The following DLG2 variants were observed in gnomAD, a reference collection of about 807,000 sequenced individuals.
DLG2 encodes discs large MAGUK scaffold protein 2.
DLG2 carries 45 observed loss-of-function variants against 132.5 expected under a neutral mutation model. The ratio of observed to expected loss-of-function variants is 0.34; its 90% confidence interval spans 0.27 to 0.44. The LOEUF (loss-of-function observed/expected upper bound fraction) is 0.44. Among genes scored for constraint, DLG2 ranks in the 20% least tolerant of loss-of-function variants. DLG2 has a pLI of 1.00. For synonymous variants in DLG2, 424 were observed against 419.6 expected (o/e 1.01, Z -0.13); for missense variants, 1,045 against 1,196.9 (o/e 0.87, Z 1.87).
At chr11:84,045,426 AGT>A (rs2096220507) in intron 11 of DLG2, among the ~76,000 whole-genome samples, 1 of 151,780 alleles carries the variant, frequency 6.6e-6, no homozygotes, top group Admixed American at 6.6e-5. Flanking sequence ...AGATAAAACA[AGT>A]GTATAAGTCT....
At chr11:85,479,308 C>T (rs1434842392) in intron 3 of DLG2, among the ~76,000 whole-genome samples, 1 of 152,194 alleles carries the variant, frequency 6.6e-6, no homozygotes, top group African/African-American at 2.4e-5. Context: ...TCTTAGAAGA[C>T]AGCTGTCTTT....
At chr11:83,473,669 G>A (rs1591436607) in intron 22 of DLG2, among the ~76,000 whole-genome samples, 1 of 151,928 alleles carries the variant, frequency 6.6e-6, no homozygotes, top group African/African-American at 2.4e-5. Flanking sequence ...AGAACTTTCT[G>A]TCTACTAGAA....
chr11:83,829,836 T>G (rs542882109), intron 17 of DLG2, among the ~76,000 whole-genome samples: 1 of 152,246 alleles, frequency 6.6e-6, no homozygotes, highest in South Asian at 2.1e-4. Flanking sequence ...CATGTTGGTG[T>G]GCTGCACCCT....
chr11:83,553,245 A>T (rs1199435886), intron 19 of DLG2, among the ~76,000 whole-genome samples: 1 of 152,098 alleles, frequency 6.6e-6, no homozygotes, highest in Non-Finnish European at 1.5e-5. Flanking sequence ...CAACTCTAAG[A>T]TTTTTTAAAA....
At chr11:84,723,675 G>A (rs1406727528) in intron 6 of DLG2, among the ~76,000 whole-genome samples, 1 of 152,060 alleles carries the variant, frequency 6.6e-6, no homozygotes, top group African/African-American at 2.4e-5. Context: ...GCACTAATTT[G>A]AGAGTGTACT....
intron 7 of DLG2, among the ~76,000 whole-genome samples, chr11:84,466,694 A>G (rs2099095331): frequency 6.6e-6 from 1 of 151,322 alleles, no homozygotes; most frequent in South Asian, 2.1e-4. Flanking sequence ...GTATTAGAAT[A>G]CCTATGAGAG....
chr11:84,460,068 AG>A (rs987575466), intron 7 of DLG2, among the ~76,000 whole-genome samples: 1 of 150,694 alleles, frequency 6.6e-6, no homozygotes, highest in Admixed American at 6.6e-5. Flanking sequence ...AAATTTTGTC[AG>A]GAATGAGTTT....
chr11:84,449,339 G>C (rs1371547518), intron 7 of DLG2, among the ~76,000 whole-genome samples: 1 of 151,670 alleles, frequency 6.6e-6, no homozygotes, highest in Admixed American at 6.6e-5. Context: ...AAAACAGAAA[G>C]AGCAGCTGCT....
chr11:84,987,595 A>C (rs1030166705), intron 6 of DLG2, among the ~76,000 whole-genome samples: 1 of 152,190 alleles, frequency 6.6e-6, no homozygotes, highest in Non-Finnish European at 1.5e-5. Flanking sequence ...AACAGAATAC[A>C]GAACTCAAAA....
chr11:83,844,824 G>C (rs1379106038), intron 16 of DLG2, among the ~76,000 whole-genome samples: 2 of 152,086 alleles, frequency 1.3e-5, no homozygotes, highest in East Asian at 1.9e-4. Context: ...GGCCATCCTA[G>C]CTCAATGACA....
At chr11:85,405,015 A>T (rs2152970552) in intron 3 of DLG2, among the ~76,000 whole-genome samples, 1 of 152,062 alleles carries the variant, frequency 6.6e-6, no homozygotes, top group Middle Eastern at 3.4e-3. Context: ...TAGAGTTACA[A>T]GAGTGGTGGA....
In DLG2 at chr11:83,942,194, A is replaced by C. The variant is rs76878313; in HGVS notation, c.1341-11711T>G. 3.0e-3 allele frequency among the ~76,000 whole-genome samples: 461 copies of C among 152,336 alleles called. 3 individuals are homozygous for C. Among genetic ancestry groups the C allele is most frequent in the African/African-American group, 0.011 (437 of 41,578 alleles). On this transcript the variant is annotated intron_variant, in intron 14 of 27. Transcript: ENST00000376104. ...TGTAAGTAAATTTGATGACATAAAA[A>C]GACAGCCACAAGATATTATTAAGTG... is the stretch of plus-strand genomic sequence containing the variant.
intron 18 of DLG2, among the ~76,000 whole-genome samples, chr11:83,751,971 A>G (rs2093338168): frequency 6.6e-6 from 1 of 152,206 alleles, no homozygotes; most frequent in Non-Finnish European, 1.5e-5. Flanking sequence ...AGGTAGAGAT[A>G]AAAAAGAGAG....
chr11:84,916,459 C>A (rs1436838939), intron 6 of DLG2, among the ~76,000 whole-genome samples: 1 of 150,668 alleles, frequency 6.6e-6, no homozygotes, highest in East Asian at 1.9e-4. Context: ...ACCCACACAC[C>A]ACACCTAAGG....
chr11:85,302,665 A>AC (rs1491294285), intron 3 of DLG2, among the ~76,000 whole-genome samples: 5 of 151,256 alleles, frequency 3.3e-5, no homozygotes, highest in African/African-American at 7.3e-5. Context: ...AAAAAAAAAA[A>AC]CAGTCAGTTA....
chr11:84,746,093 C>T (rs755813153), intron 6 of DLG2, among the ~76,000 whole-genome samples: 5 of 151,724 alleles, frequency 3.3e-5, no homozygotes, highest in African/African-American at 9.7e-5. Flanking sequence ...GAGCTTAGAC[C>T]GTGTGTGAGA....
intron 6 of DLG2, among the ~76,000 whole-genome samples, chr11:84,638,243 T>C (rs2099644083): frequency 6.6e-6 from 1 of 152,198 alleles, no homozygotes; most frequent in Admixed American, 6.5e-5. Context: ...TCCTGCATGG[T>C]CCAAATGTGT....
intron 6 of DLG2, among the ~76,000 whole-genome samples, chr11:84,559,603 C>A (rs139670460): frequency 3.3e-4 from 50 of 152,122 alleles, no homozygotes; most frequent in Middle Eastern, 3.4e-3. Context: ...TCCAGAGCTA[C>A]GAGAATCTCA....
intron 20 of DLG2, among the ~76,000 whole-genome samples, chr11:83,536,883 G>A (rs372919955): frequency 2.0e-5 from 3 of 152,068 alleles, no homozygotes; most frequent in Non-Finnish European, 4.4e-5. Context: ...TTACTTTCCC[G>A]GTAAGAATCT....
Sources: gnomAD v4.1 joint callset for allele counts (sites outside exome capture counted in the v4.1 genomes callset) on GRCh38, gnomAD v4.1.1 for gene constraint, MANE v1.5 for transcripts, NCBI Gene and HGNC (gene_info 2026-07-23, HGNC 2026-07-21) for gene names.